The following ECH1 variants were observed in gnomAD, a reference collection of about 807,000 sequenced individuals.
ECH1 encodes enoyl-CoA hydratase 1.
In ECH1, 30 loss-of-function variants were observed where a neutral mutation model predicts 37.0. That is an observed-to-expected ratio of 0.81 (90% CI 0.61 to 1.10). The LOEUF is 1.10. Ranked by LOEUF, ECH1 falls within the 50% of genes least tolerant of loss-of-function variation. The probability of loss-of-function intolerance (pLI) is 0.00; values close to 1 mark genes in which losing one functional copy is unlikely to be tolerated. For synonymous variants in ECH1, 178 were observed against 176.0 expected (o/e 1.01, Z -0.09); for missense variants, 456 against 441.6 (o/e 1.03, Z -0.29).
intron 3 of ECH1, among the ~76,000 whole-genome samples, chr19:38,822,268 A>C (rs4564709): frequency 6.6e-6 from 1 of 151,642 alleles, no homozygotes; most frequent in African/African-American, 2.4e-5. Flanking sequence ...AAATGCACCA[A>C]TCAGCACCCT....
chr19:38,831,178 C>G lies in ECH1; in HGVS notation c.261-12G>C. 2 of 1,614,026 alleles carry G rather than the reference C, an allele frequency of 1.2e-6. No homozygotes were observed. Among genetic ancestry groups the G allele is most frequent in the Non-Finnish European group, 1.7e-6 (2 of 1,179,924 alleles). On this transcript the variant is annotated splice_polypyrimidine_tract_variant and intron_variant, in intron 2 of 9. Transcript: ENST00000221418. ...ACTCTACCATCTCTCTGTGAAGCAA[C>G]GAGTGAAGGGTTACAAATGGGGCGG... is the stretch of plus-strand genomic sequence containing the variant.
intron 6 of ECH1, 134 bp from the exon 7 acceptor site, chr19:38,816,657 A>T: frequency 9.0e-7 from 1 of 1,107,594 alleles, no homozygotes; most frequent in Non-Finnish European, 1.3e-6. Flanking sequence ...CCAAAGTCCC[A>T]TTCCATTGCC....
At position 38,831,789 on chromosome 19, in the gene ECH1, T is replaced by G. The variant is rs746222157; in HGVS notation, c.-17A>C. ...CGCCGCCATCGCCGCCGCCTTCGTC[T>G]ACTGCGTTCGGACGGAGTAACGTGC... On this transcript the variant is annotated 5_prime_UTR_variant, in exon 1 of 10. Transcript: ENST00000221418. 6.2e-7 allele frequency: 1 copy of G among 1,612,528 alleles called. No individual in the cohort carries two copies. The highest frequency in any genetic ancestry group is 1.1e-5 in the South Asian group (1 of 90,592).
Position 38,817,050 on chromosome 19 carries a change from G to A in ECH1, c.588+15C>T, listed in dbSNP as rs1417736498. 19 of 1,562,976 alleles carry A rather than the reference G, an allele frequency of 1.2e-5. No individual in the cohort carries two copies. Among genetic ancestry groups the A allele is most frequent in the Middle Eastern group, 1.7e-4 (1 of 6,030 alleles). On this transcript the variant is annotated intron_variant, in intron 6 of 9. Coordinates refer to ENST00000221418, the MANE Select transcript of ECH1 (RefSeq NM_001398.3). ...ACTGCCCAGCTCTAAGCAGGAGCTC[G>A]GGAGGATGACTCACCTTCACCTGGA...
Position 38,815,732 on chromosome 19 carries a change from G to T in ECH1, c.883-15C>A. The T allele has an allele frequency of 6.2e-7, 1 of 1,614,118 alleles. No homozygotes were observed. The highest frequency in any genetic ancestry group is 8.5e-7 in the Non-Finnish European group (1 of 1,179,992). ...TTCCAGGACGCCTGGTACCGAGGGT[G>T]TTGAGAGAGAACGAGGAGAGAGATT... On this transcript the variant is annotated splice_polypyrimidine_tract_variant and intron_variant, in intron 9 of 9. Transcript: ENST00000221418.
At chr19:38,824,529 G>A (rs1971711075) in intron 3 of ECH1, among the ~76,000 whole-genome samples, 1 of 152,150 alleles carries the variant, frequency 6.6e-6, no homozygotes, top group Admixed American at 6.6e-5. Flanking sequence ...TGAAAAAGAG[G>A]AGGCTCATTT....
chr19:38,822,125 T>C (rs1431160615), intron 3 of ECH1, among the ~76,000 whole-genome samples: 6 of 152,152 alleles, frequency 3.9e-5, no homozygotes, highest in Admixed American at 2.0e-4. Context: ...ACCCTGTGTC[T>C]AGCTCAAGGT....
rs138416729 is a variant in ECH1, at chr19:38,823,244, C to T, written c.350-5669G>A. The T allele has an allele frequency of 3.7e-4, 63 of 170,068 alleles. No individual in the cohort carries two copies. In the South Asian group the frequency reaches 5.7e-3, roughly 15 times the overall value. 10.5% of individuals were successfully genotyped at this position (170,068 alleles called of 1,614,324 possible). A position where few individuals can be genotyped will look rare whatever the true frequency, so the allele number is the denominator to read the frequency against. On this transcript the variant is annotated intron_variant, in intron 3 of 9. Transcript: ENST00000221418. The stretch of plus-strand genomic sequence containing the variant: ...CCTTTAAGAACTGTAACACTCACCA[C>T]GAGATTCTGCGGCTTCATTCTTGAA...
chr19:38,821,035 T>C (rs377466532), intron 3 of ECH1, among the ~76,000 whole-genome samples: 2 of 152,040 alleles, frequency 1.3e-5, no homozygotes, highest in East Asian at 1.9e-4. Context: ...TCCCAGCACT[T>C]TGGGAGGCTG....
intron 3 of ECH1, among the ~76,000 whole-genome samples, chr19:38,826,188 A>G (rs1971736413): frequency 6.6e-6 from 1 of 152,214 alleles, no homozygotes; most frequent in Admixed American, 6.5e-5. Context: ...AGGCAGGGAC[A>G]TATTAGCCAA....
chr19:38,827,990 C>A (rs984525343), intron 3 of ECH1, among the ~76,000 whole-genome samples: 1 of 152,018 alleles, frequency 6.6e-6, no homozygotes, highest in African/African-American at 2.4e-5. Context: ...TCAGGAGGAT[C>A]GCTTGAGTTC....
rs764050776 is a variant in ECH1 at position 38,831,753 on chromosome 19, G to C, written c.20C>G (p.Ala7Gly). The C allele has an allele frequency of 3.7e-6, 6 of 1,613,250 alleles. No homozygotes were observed. The South Asian group carries it at 6.6e-5, about 18-fold the overall frequency. The change falls in exon 1 of 10, where the codon GCT (alanine) becomes GGT (glycine). Residue 7 changes from alanine to glycine, a missense_variant. Physicochemically the swap from Ala to Gly is moderately conservative, Grantham distance 60. Transcript: ENST00000221418. The part of the protein sequence containing the change: MAAGIV[A>G]SRRLRDLLTR... Reference sequence around the variant, plus strand: ...CAGTAGGTCGCGGAGTCTGCGAGAAGCCACTATCCCCGCCGCCATCGCCGC... The same window carrying C: ...CAGTAGGTCGCGGAGTCTGCGAGAACCCACTATCCCCGCCGCCATCGCCGC...
In ECH1 at chr19:38,815,840, C is replaced by T. The variant is rs370357377; in HGVS notation, c.882+17G>A. 1.8e-5 allele frequency: 29 copies of T among 1,613,866 alleles called. No homozygotes were observed. The highest frequency in any genetic ancestry group is 1.6e-4 in the Middle Eastern group (1 of 6,084). On this transcript the variant is annotated intron_variant, in intron 9 of 9. Coordinates refer to ENST00000221418, the MANE Select transcript of ECH1 (RefSeq NM_001398.3). Reference sequence around the variant, plus strand: ...GGGTTAGAGGAGGGCTGTGATTGGTCGGAGCGTGCACCTTACCACGTAGTT... The same window carrying T: ...GGGTTAGAGGAGGGCTGTGATTGGTTGGAGCGTGCACCTTACCACGTAGTT...
At position 38,831,766 on chromosome 19, in the gene ECH1, C is replaced by G. The variant is rs1321526431; in HGVS notation, c.7G>C (p.Ala3Pro). 3.7e-6 allele frequency: 6 copies of G among 1,613,190 alleles called. No individual in the cohort carries two copies. The African/African-American group carries it at 6.7e-5, about 18-fold the overall frequency. Residue 3 changes from alanine to proline, a missense_variant, in exon 1 of 10, where the codon GCG (alanine) becomes CCG (proline). Transcript: ENST00000221418. MA[A>P]GIVASRRLRD... is the part of the protein sequence containing the mutation. Reference sequence around the variant, plus strand: ...AGTCTGCGAGAAGCCACTATCCCCGCCGCCATCGCCGCCGCCTTCGTCTAC... The same window carrying G: ...AGTCTGCGAGAAGCCACTATCCCCGGCGCCATCGCCGCCGCCTTCGTCTAC...
intron 3 of ECH1, among the ~76,000 whole-genome samples, chr19:38,829,555 C>T (rs1169584422): frequency 2.6e-5 from 4 of 152,078 alleles, no homozygotes; most frequent in Admixed American, 6.6e-5. Flanking sequence ...TGGTAGCTCA[C>T]GCCTGTAATC....
intron 3 of ECH1, among the ~76,000 whole-genome samples, chr19:38,819,816 G>C (rs886872974): frequency 1.3e-5 from 2 of 151,898 alleles, no homozygotes; most frequent in Non-Finnish European, 2.9e-5. Context: ...CATGAGGCTG[G>C]GCATGGTCAC....
At chr19:38,831,637 G>A in intron 1 of ECH1, 84 bp downstream of exon 1, 7 of 1,586,996 alleles carry the variant, frequency 4.4e-6, no homozygotes, top group Non-Finnish European at 6.0e-6. Context: ...GGCCCTTCGT[G>A]ACCCCGGATA....
intron 3 of ECH1, chr19:38,818,370 T>C (rs924397593): frequency 1.0e-6 from 1 of 985,426 alleles, no homozygotes; most frequent in Non-Finnish European, 1.2e-6. Flanking sequence ...CCTGCATCAG[T>C]TGTTCTCCAT....
intron 3 of ECH1, chr19:38,830,866 G>C (rs950047729): frequency 1.8e-6 from 1 of 569,302 alleles, no homozygotes; most frequent in African/African-American, 1.9e-5. Flanking sequence ...CCAGACAGAA[G>C]AATTGCTTGA....
Sources: allele counts gnomAD v4.1 joint callset (sites outside exome capture counted in the v4.1 genomes callset), GRCh38; gene constraint gnomAD v4.1.1; transcripts MANE v1.5; gene names NCBI Gene and HGNC (gene_info 2026-07-23, HGNC 2026-07-21).